The following USP24 variants were observed in gnomAD, a reference collection of about 807,000 sequenced individuals.
USP24 encodes ubiquitin carboxyl-terminal hydrolase 24.
Under a neutral mutation model 361.6 loss-of-function variants are expected in USP24, and 97 were observed. The observed-to-expected ratio is 0.27, with a 90% confidence interval of 0.23 to 0.32. The LOEUF (loss-of-function observed/expected upper bound fraction) is 0.32, where lower values mean the gene tolerates loss of function less well. USP24 is among the 10% of genes least tolerant of loss of function. The probability of loss-of-function intolerance (pLI) is 1.00; values close to 1 mark genes in which losing one functional copy is unlikely to be tolerated. For synonymous variants in USP24, 1,098 were observed against 1,124.6 expected, an observed-to-expected ratio of 0.98 and a Z score of 0.47; for missense variants, 2,353 against 3,165.6, an observed-to-expected ratio of 0.74 and a Z score of 6.16.
Position 55,113,417 on chromosome 1 carries a change from G to A in USP24, c.4509-3171C>T, listed in dbSNP as rs189399046. On this transcript the variant is annotated intron_variant, in intron 38 of 67. Transcript: ENST00000294383. ...AGCCTACCAACCAAAAAAGGCCCAG[G>A]ACCAGATGGATTCACAGCTGAATTC... 2.9e-3 allele frequency among the ~76,000 whole-genome samples: 445 copies of A among 152,230 alleles called. 3 individuals carry two copies. Among genetic ancestry groups the A allele is most frequent in the African/African-American group, 0.01 (420 of 41,530 alleles).
intron 1 of USP24, among the ~76,000 whole-genome samples, chr1:55,214,221 G>C (rs908796169): frequency 3.3e-5 from 5 of 150,690 alleles, no homozygotes; most frequent in Non-Finnish European, 1.5e-5. Context: ...CCGACCCTTG[G>C]CTAAAACCCC....
At chr1:55,070,161 G>A (rs553898455) in intron 67 of USP24, among the ~76,000 whole-genome samples, 2 of 152,168 alleles carry the variant, frequency 1.3e-5, no homozygotes, top group South Asian at 2.1e-4. Context: ...GAACACTGAC[G>A]GAGGGCCAGC....
At chr1:55,175,219 C>CTTTTTTTTTTTTTTTTTTTTTTTTTTTTT (rs3072970) in intron 3 of USP24, among the ~76,000 whole-genome samples, 1 of 66,910 alleles carries the variant, frequency 1.5e-5, no homozygotes, top group African/African-American at 5.6e-5. Flanking sequence ...TACTGGGTCT[C>CTTTTTTTTTTTTTTTTTTTTTTTTTTTTT]TTTTTTTTTT....
chr1:55,153,334 C>T (rs567595688), intron 16 of USP24, among the ~76,000 whole-genome samples: 1 of 152,286 alleles, frequency 6.6e-6, no homozygotes, highest in African/African-American at 2.4e-5. Context: ...TATACAAGTC[C>T]GTATCCAACC....
chr1:55,105,555 G>C (rs939077688), intron 41 of USP24, among the ~76,000 whole-genome samples: 3 of 152,158 alleles, frequency 2.0e-5, no homozygotes, highest in Non-Finnish European at 2.9e-5. Context: ...AAGTTAGTTA[G>C]ATTTGGAGCA....
chr1:55,095,254 C>G lies in USP24; in HGVS notation c.6203+1G>C. 6.2e-7 allele frequency: 1 copy of G among 1,613,512 alleles called. No individual in the cohort carries two copies. The highest frequency in any genetic ancestry group is 8.5e-7 in the Non-Finnish European group (1 of 1,179,688). ...GCAAATTACATGGAAGAGACACTTA[C>G]AGAGAGAGATCCTCAGCTTCCTGCC... On this transcript the variant is annotated splice_donor_variant, in intron 51 of 67. Coordinates refer to ENST00000294383, the MANE Select transcript of USP24 (RefSeq NM_015306.3). LOFTEE classifies it high-confidence loss of function.
intron 1 of USP24, among the ~76,000 whole-genome samples, chr1:55,208,046 AG>A (rs530274121): frequency 3.3e-5 from 5 of 152,224 alleles, no homozygotes; most frequent in Admixed American, 1.3e-4. Flanking sequence ...ATTTCTGGAA[AG>A]ATTGTAAGAA....
intron 42 of USP24, among the ~76,000 whole-genome samples, chr1:55,102,800 T>C (rs1219594771): frequency 6.6e-6 from 1 of 152,212 alleles, no homozygotes; most frequent in African/African-American, 2.4e-5. Context: ...ACATAAGAAG[T>C]TCATTTAAAT....
At chr1:55,187,629 A>G (rs573818076) in intron 1 of USP24, among the ~76,000 whole-genome samples, 1 of 152,200 alleles carries the variant, frequency 6.6e-6, no homozygotes, top group African/African-American at 2.4e-5. Context: ...ATTTCTATAC[A>G]CTAACAACTG....
chr1:55,145,988 T>A lies in USP24; in HGVS notation c.2362+10A>T, dbSNP rs758160115. On this transcript the variant is annotated intron_variant, in intron 20 of 67. Transcript: ENST00000294383. ...AGTACTGAAAAAAATGATTTTAAGTTTTTTCCTACCATTCATAGTGATTTC... is the reference window on the plus strand; with the variant it reads ...AGTACTGAAAAAAATGATTTTAAGTATTTTCCTACCATTCATAGTGATTTC... The A allele has an allele frequency of 2.5e-6, 4 of 1,587,570 alleles. No individual in the cohort carries two copies. Among genetic ancestry groups the A allele is most frequent in the Non-Finnish European group, 3.5e-6 (4 of 1,159,228 alleles).
At chr1:55,075,413 C>T (rs749353144) in intron 63 of USP24, 44 bp downstream of exon 63, 4 of 1,529,238 alleles carry the variant, frequency 2.6e-6, no homozygotes, top group Non-Finnish European at 3.6e-6. Flanking sequence ...AGATTATCCA[C>T]ATATTTACTA....
intron 1 of USP24, among the ~76,000 whole-genome samples, chr1:55,213,762 A>G (rs761507187): frequency 6.6e-6 from 1 of 152,108 alleles, no homozygotes; most frequent in Non-Finnish European, 1.5e-5. Flanking sequence ...TTATTATAGA[A>G]GAGTCCGTTT....
intron 42 of USP24, 30 bp downstream of exon 42, chr1:55,103,846 A>G (rs752080162): frequency 9.4e-6 from 15 of 1,591,878 alleles, no homozygotes; most frequent in Non-Finnish European, 1.1e-5. Flanking sequence ...TTCTAAAAAA[A>G]TTAAGTTCAT....
chr1:55,134,802 T>C (rs1646688815), intron 28 of USP24, among the ~76,000 whole-genome samples: 2 of 152,192 alleles, frequency 1.3e-5, no homozygotes, highest in African/African-American at 4.8e-5. Context: ...AAGTAGTGTG[T>C]TTATGTATCG....
intron 1 of USP24, among the ~76,000 whole-genome samples, chr1:55,206,158 G>A (rs963286633): frequency 4.6e-5 from 7 of 152,260 alleles, no homozygotes; most frequent in African/African-American, 1.4e-4. Context: ...CAACCACTGA[G>A]TCATCTCTCT....
chr1:55,123,468 G>C lies in USP24; in HGVS notation c.4255C>G (p.Gln1419Glu). 1 of 1,596,134 alleles carries C rather than the reference G, an allele frequency of 6.3e-7. No homozygotes were observed. Among genetic ancestry groups the C allele is most frequent in the Non-Finnish European group, 8.5e-7 (1 of 1,171,402 alleles). ...ATACCCAGTTGCTGGCTCCGAAGCT[G>C]TAGGCACGTAACAAGAAGAGACAAA... ...EALSLLVTCL[Q>E]LRSQQLASFY... Residue 1419 changes from glutamine to glutamate, a missense_variant, in exon 36 of 68, where the codon CAG becomes GAG. Gln to Glu is a conservative substitution (Grantham distance 29, BLOSUM62 2). Coordinates refer to ENST00000294383, the MANE Select transcript of USP24 (RefSeq NM_015306.3).
At chr1:55,140,828 C>A (rs1235527165) in intron 24 of USP24, among the ~76,000 whole-genome samples, 1 of 152,116 alleles carries the variant, frequency 6.6e-6, no homozygotes, top group African/African-American at 2.4e-5. Flanking sequence ...CATAAAAAAC[C>A]CACAAAAGTA....
chr1:55,158,629 G>A (rs1647942126), intron 10 of USP24, among the ~76,000 whole-genome samples: 1 of 151,858 alleles, frequency 6.6e-6, no homozygotes, highest in African/African-American at 2.4e-5. Context: ...ATATTCTAAG[G>A]GATTATATTC....
chr1:55,138,792 A>G (rs939052493), intron 25 of USP24, 74 bp from the exon 26 acceptor site: 1 of 1,279,442 alleles, frequency 7.8e-7, no homozygotes, highest in East Asian at 2.5e-5. Context: ...ATCTATGTAT[A>G]TATGATGAAT....
Sources: gnomAD v4.1 joint callset for allele counts (sites outside exome capture counted in the v4.1 genomes callset) on GRCh38, gnomAD v4.1.1 for gene constraint, MANE v1.5 for transcripts, NCBI Gene and HGNC (gene_info 2026-07-23, HGNC 2026-07-21) for gene names.